The following RPA2 variants were observed in gnomAD, a reference collection of about 807,000 sequenced individuals.
RPA2 encodes replication protein A 32 kDa subunit.
Under a neutral mutation model 33.4 loss-of-function variants are expected in RPA2, and 22 were observed. The ratio of observed to expected loss-of-function variants is 0.66; its 90% CI spans 0.47 to 0.94. The LOEUF is 0.94. Ranked by LOEUF, RPA2 falls within the 40% of genes least tolerant of loss-of-function variation. The pLI is 0.00. For synonymous variants in RPA2, 109 were observed against 114.9 expected (o/e 0.95, Z 0.33); for missense variants, 279 against 329.9 (o/e 0.85, Z 1.19).
At chr1:27,908,051 T>A (rs2090052889) in intron 2 of RPA2, among the ~76,000 whole-genome samples, 1 of 152,142 alleles carries the variant, frequency 6.6e-6, no homozygotes, top group Admixed American at 6.6e-5. Context: ...CAGGCTGGTC[T>A]GGAACTCTTG....
At chr1:27,899,491 G>A (rs185412567) in intron 4 of RPA2, among the ~76,000 whole-genome samples, 3 of 121,744 alleles carry the variant, frequency 2.5e-5, no homozygotes, top group Non-Finnish European at 4.9e-5. Context: ...AACAGAGCAG[G>A]ACTCTATCTC....
chr1:27,909,191 C>A (rs924226184), intron 2 of RPA2, among the ~76,000 whole-genome samples: 1 of 152,162 alleles, frequency 6.6e-6, no homozygotes, highest in African/African-American at 2.4e-5. Context: ...GGACCAATAC[C>A]TGTACTACAT....
intron 4 of RPA2, among the ~76,000 whole-genome samples, chr1:27,901,589 G>C (rs1055425489): frequency 1.3e-5 from 2 of 151,960 alleles, no homozygotes; most frequent in Admixed American, 6.6e-5. Context: ...TTGAACTCCT[G>C]ACCTCAGGTG....
chr1:27,893,990 C>T (rs1557462373), intron 8 of RPA2, 22 bp downstream of exon 8: 1 of 1,585,716 alleles, frequency 6.3e-7, no homozygotes, highest in Non-Finnish European at 8.7e-7. Flanking sequence ...AGAGCCTGAG[C>T]TCATGAAAAT....
chr1:27,894,691 T>A (rs2089868129), intron 6 of RPA2, among the ~76,000 whole-genome samples: 1 of 151,922 alleles, frequency 6.6e-6, no homozygotes, highest in South Asian at 2.1e-4. Context: ...TTACCCAGAG[T>A]CTGCTATTTT....
At chr1:27,913,669 C>A (rs1355876170) in intron 2 of RPA2, among the ~76,000 whole-genome samples, 1 of 151,862 alleles carries the variant, frequency 6.6e-6, no homozygotes, top group Non-Finnish European at 1.5e-5. Flanking sequence ...GTTACCCCAG[C>A]ACTTTGAGAG....
At chr1:27,911,962 C>T (rs910674257) in intron 2 of RPA2, among the ~76,000 whole-genome samples, 9 of 151,804 alleles carry the variant, frequency 5.9e-5, no homozygotes, top group Non-Finnish European at 8.8e-5. Context: ...GGTGTGGTGG[C>T]GGGCGCCTGT....
At chr1:27,905,316 C>CA (rs1009270444) in intron 4 of RPA2, among the ~76,000 whole-genome samples, 2 of 152,112 alleles carry the variant, frequency 1.3e-5, no homozygotes, top group African/African-American at 4.8e-5. Context: ...CATTTTGAGA[C>CA]AGAGTCTTGC....
intron 4 of RPA2, among the ~76,000 whole-genome samples, chr1:27,904,850 T>C (rs2090009087): frequency 6.6e-6 from 1 of 152,086 alleles, no homozygotes; most frequent in Non-Finnish European, 1.5e-5. Context: ...TGGAGTTTCA[T>C]CACGTTGGCC....
At chr1:27,907,615 C>T (rs895931213) in intron 2 of RPA2, among the ~76,000 whole-genome samples, 4 of 152,164 alleles carry the variant, frequency 2.6e-5, no homozygotes, top group Non-Finnish European at 5.9e-5. Flanking sequence ...AGAGGAAACC[C>T]CAGCTTTAGG....
chr1:27,906,987 A>G lies in RPA2; in HGVS notation c.274T>C (p.Tyr92His). 1.9e-6 allele frequency: 3 copies of G among 1,614,038 alleles called. No individual in the cohort carries two copies. Among genetic ancestry groups the G allele is most frequent in the Non-Finnish European group, 2.5e-6 (3 of 1,180,014 alleles). The change falls in exon 4 of 9, where the codon TAC becomes CAC. Residue 92 changes from tyrosine to histidine, a missense_variant. Physicochemically the swap from Tyr to His is moderately conservative, Grantham distance 83 (BLOSUM62 2). This residue lies in a region of RPA2 where 274 missense variants were observed against 310.3 expected (regional missense o/e 0.88). Coordinates refer to ENST00000373912, the MANE Select transcript of RPA2 (RefSeq NM_002946.5). ...GCAGCTGTCATGTCATCTATTTTGT[A>G]AACAATGTTGGTTGGAGCCTTCTCT... ...HAEKAPTNIV[Y>H]KIDDMTAAPM...
At chr1:27,894,202 A>G in intron 7 of RPA2, 88 bp downstream of exon 7, 1 of 1,490,700 alleles carries the variant, frequency 6.7e-7, no homozygotes, top group Non-Finnish European at 9.3e-7. Flanking sequence ...TGAACCAGGT[A>G]CTTAAACAGT....
intron 2 of RPA2, among the ~76,000 whole-genome samples, chr1:27,912,404 A>G (rs2090108882): frequency 6.6e-6 from 1 of 151,686 alleles, no homozygotes; most frequent in African/African-American, 2.4e-5. Context: ...CACAAAAATT[A>G]GCCTGACACC....
At position 27,894,411 on chromosome 1, in the gene RPA2, T is replaced by G; in HGVS notation, c.526-14A>C. 1 of 1,601,344 alleles carries G rather than the reference T, an allele frequency of 6.2e-7. No homozygotes were observed. Among genetic ancestry groups the G allele is most frequent in the Non-Finnish European group, 8.5e-7 (1 of 1,171,646 alleles). The stretch of plus-strand genomic sequence containing the variant: ...CCCTGCTGAGGGCTGAATTAAGAAA[T>G]AAGTTAGCAATATTAGAAAATCCAT... On this transcript the variant is annotated splice_polypyrimidine_tract_variant and intron_variant, in intron 6 of 8. Coordinates refer to ENST00000373912, the MANE Select transcript of RPA2 (RefSeq NM_002946.5).
intron 6 of RPA2, 28 bp downstream of exon 6, chr1:27,896,976 GA>G: frequency 1.3e-6 from 2 of 1,527,606 alleles, no homozygotes; most frequent in Non-Finnish European, 1.8e-6. Context: ...CCAGGGAAGA[GA>G]AAAAGCTAGG....
intron 6 of RPA2, among the ~76,000 whole-genome samples, chr1:27,896,075 ATT>A (rs201710035): frequency 7.4e-6 from 1 of 135,168 alleles, no homozygotes; most frequent in African/African-American, 2.5e-5. Context: ...TTATACATAT[ATT>A]TTTGTTTATT....
intron 2 of RPA2, among the ~76,000 whole-genome samples, chr1:27,913,666 C>T (rs2090129871): frequency 6.6e-6 from 1 of 151,830 alleles, no homozygotes; most frequent in Non-Finnish European, 1.5e-5. Context: ...CCTGTTACCC[C>T]AGCACTTTGA....
chr1:27,914,360 G>A (rs770431815), intron 1 of RPA2, 74 bp downstream of exon 1: 15 of 1,613,904 alleles, frequency 9.3e-6, no homozygotes, highest in Non-Finnish European at 1.2e-5. Flanking sequence ...CACGCCTCTC[G>A]GACCCTAGGC....
At chr1:27,899,832 C>A (rs1023003339) in intron 4 of RPA2, among the ~76,000 whole-genome samples, 1 of 152,066 alleles carries the variant, frequency 6.6e-6, no homozygotes, top group South Asian at 2.1e-4. Context: ...AGGCGCCCGC[C>A]ACCACGCCCG....
Sources: gnomAD v4.1 joint callset for allele counts (sites outside exome capture counted in the v4.1 genomes callset) on GRCh38, gnomAD v4.1.1 for gene constraint, gnomAD v4.1.1 regional missense constraint, MANE v1.5 for transcripts, NCBI Gene and HGNC (gene_info 2026-07-23, HGNC 2026-07-21) for gene names.